Variants in P2RX1 observed in about 807,000 individuals in gnomAD.
P2RX1 encodes the protein P2X purinoceptor 1.
A neutral mutation model predicts 50.3 loss-of-function variants in P2RX1; 42 were observed. The ratio of observed to expected loss-of-function variants is 0.83; its 90% CI spans 0.65 to 1.08. The LOEUF (loss-of-function observed/expected upper bound fraction) is 1.08. Ranked by LOEUF, P2RX1 falls within the 50% of genes least tolerant of loss-of-function variation. P2RX1 has a pLI of 0.00. For missense variants in P2RX1, 449 were observed against 529.0 expected, an observed-to-expected ratio of 0.85 and a Z score of 1.48; for synonymous variants, 199 against 202.6, an observed-to-expected ratio of 0.98 and a Z score of 0.15.
At position 3,916,105 on chromosome 17, in the gene P2RX1, G is replaced by A; in HGVS notation, c.121C>T (p.Leu41=). ...VIFRLIQLVV[L]VYVIGWVFLY... Reference sequence around the variant, plus strand: ...CGGACTCACCCGATGACGTAGACCAGGACCACCAGCTGGATCAGTCGGAAG... The same window carrying A: ...CGGACTCACCCGATGACGTAGACCAAGACCACCAGCTGGATCAGTCGGAAG... The change falls in exon 1 of 12, where the codon CTG becomes TTG. Residue 41 remains leucine (L), a synonymous_variant. Transcript: ENST00000225538. The A allele has an allele frequency of 1.2e-6, 2 of 1,613,602 alleles. No individual in the cohort carries two copies. The highest frequency in any genetic ancestry group is 1.7e-6 in the Non-Finnish European group (2 of 1,179,994).
intron 1 of P2RX1, chr17:3,915,705 G>C (rs1342668288): frequency 2.1e-6 from 1 of 472,324 alleles, no homozygotes; most frequent in East Asian, 6.4e-5. Context: ...GACGGGTGTG[G>C]GGTATGGCCT....
At position 3,916,019 on chromosome 17, in the gene P2RX1, G is replaced by A. The variant is rs552595873; in HGVS notation, c.137+70C>T. The A allele has an allele frequency of 6.7e-5, 105 of 1,570,542 alleles. No homozygotes were observed. The African/African-American group carries it at 1.3e-3, about 20-fold the overall frequency. ...GAGGGGCTCGCTGGTGTCACGCAAG[G>A]GATGTCAGAGTCTGGAGGACAGGCC... On this transcript the variant is annotated intron_variant, in intron 1 of 11. Transcript: ENST00000225538.
rs549922540 is a variant in P2RX1, at chr17:3,904,218, C to T, written c.427+112G>A. The T allele has an allele frequency of 1.2e-4, 147 of 1,184,038 alleles. No homozygotes were observed. In the African/African-American group the frequency reaches 1.4e-3, roughly 11 times the overall value. 73.3% of individuals were successfully genotyped at this position (1,184,038 alleles called of 1,614,324 possible). ...GCAGGAGGGAGTCCCTCCCGGAGGC[C>T]GCCTCGGCGGGAGGGGTGTGGAGAG... On this transcript the variant is annotated intron_variant, in intron 4 of 11. Coordinates refer to ENST00000225538, the MANE Select transcript of P2RX1 (RefSeq NM_002558.4).
chr17:3,904,531 C>A (rs2056221939), intron 3 of P2RX1, 132 bp from the exon 4 acceptor site: 1 of 796,214 alleles, frequency 1.3e-6, no homozygotes, highest in Non-Finnish European at 2.1e-6. Context: ...GACGCCTGCT[C>A]ACAGCCTCCT....
At chr17:3,904,183 A>G in intron 4 of P2RX1, 147 bp downstream of exon 4, 1 of 984,540 alleles carries the variant, frequency 1.0e-6, no homozygotes, top group Non-Finnish European at 1.6e-6. Flanking sequence ...AGGGCGGAGG[A>G]GGGGAGACGG....
rs143336295 is a variant in P2RX1, at chr17:3,909,894, G to A, written c.138-4527C>T. The stretch of plus-strand genomic sequence containing the variant: ...ATACCCCCAATAAACCCACCATAAA[G>A]TCAAAAAATCCTAAGTCAAACCACG... On this transcript the variant is annotated intron_variant, in intron 1 of 11. Coordinates refer to ENST00000225538, the MANE Select transcript of P2RX1 (RefSeq NM_002558.4). Among the ~76,000 whole-genome samples, 850 of 149,604 alleles carry A rather than the reference G, an allele frequency of 5.7e-3. 9 individuals are homozygous for A. Among genetic ancestry groups the A allele is most frequent in the African/African-American group, 0.019 (792 of 40,804 alleles).
chr17:3,902,382 C>G (rs1178763149), intron 7 of P2RX1, among the ~76,000 whole-genome samples: 1 of 151,896 alleles, frequency 6.6e-6, no homozygotes, highest in African/African-American at 2.4e-5. Flanking sequence ...CAACCTCTGT[C>G]TCCCAGGTTC....
At chr17:3,910,987 CTTTA>C (rs946373742) in intron 1 of P2RX1, among the ~76,000 whole-genome samples, 2 of 152,002 alleles carry the variant, frequency 1.3e-5, no homozygotes, top group African/African-American at 4.8e-5. Flanking sequence ...TTTTATTGTT[CTTTA>C]TTTATTTTTG....
intron 7 of P2RX1, among the ~76,000 whole-genome samples, chr17:3,901,042 T>G (rs908175341): frequency 6.6e-6 from 1 of 152,032 alleles, no homozygotes; most frequent in Non-Finnish European, 1.5e-5. Context: ...TACTGAGAAG[T>G]TCCCAGTTGA....
Position 3,905,272 on chromosome 17 carries a change from G to T in P2RX1, c.233C>A (p.Pro78His). 6.2e-7 allele frequency: 1 copy of T among 1,613,910 alleles called. No individual in the cohort carries two copies. The highest frequency in any genetic ancestry group is 8.5e-7 in the Non-Finnish European group (1 of 1,180,026). Residue 78 changes from proline (P) to histidine (H), a missense_variant, in exon 2 of 12, where the codon CCT becomes CAT. By Grantham distance (77) the Pro-to-His change is moderately conservative. Coordinates refer to ENST00000225538, the MANE Select transcript of P2RX1 (RefSeq NM_002558.4). ...ATCCCAGACCTGGGGGCCGAGGCCA[G>T]GGAGCTGGGTCACGGCCAGGCCCTT... ...KLKGLAVTQLPGLGPQVWDVA... is the reference protein window; with the variant it reads ...KLKGLAVTQLHGLGPQVWDVA...
Position 3,904,864 on chromosome 17 carries a change from G to A in P2RX1, c.351C>T (p.Cys117=), listed in dbSNP as rs574005627. The A allele has an allele frequency of 4.6e-5, 73 of 1,591,838 alleles. 1 individual carries two copies. The Middle Eastern group carries it at 4.0e-3, about 87-fold the overall frequency. ...GGCGGGCAGAAGTCCTCACCTCTGCGCAGTAGCCTTGAGTCTGCTTCGGGG... is the reference window on the plus strand; with the variant it reads ...GGCGGGCAGAAGTCCTCACCTCTGCACAGTAGCCTTGAGTCTGCTTCGGGG... ...IVTPKQTQGY[C]AEHPEGGICK... is the part of the protein sequence containing the mutation. Residue 117 remains cysteine, a synonymous_variant, in exon 3 of 12, where the codon TGC becomes TGT. Coordinates refer to ENST00000225538, the MANE Select transcript of P2RX1 (RefSeq NM_002558.4).
intron 1 of P2RX1, among the ~76,000 whole-genome samples, chr17:3,906,427 G>C (rs569513856): frequency 3.5e-4 from 53 of 152,302 alleles, no homozygotes; most frequent in Admixed American, 1.4e-3. Context: ...CACCGCACCC[G>C]GCCAACAATG....
intron 9 of P2RX1, among the ~76,000 whole-genome samples, 185 bp downstream of exon 9, chr17:3,898,749 G>C (rs972022013): frequency 6.6e-6 from 1 of 152,136 alleles, no homozygotes; most frequent in African/African-American, 2.4e-5. Context: ...GGAGACTGTG[G>C]GGAGGCATGG....
rs763421022 is a variant in P2RX1, at chr17:3,905,251, C to G, written c.254G>C (p.Trp85Ser). Residue 85 changes from tryptophan (W) to serine (S), a missense_variant, in exon 2 of 12, where the codon TGG becomes TCG. Trp to Ser is a radical substitution (Grantham distance 177). Transcript: ENST00000225538. ...TQLPGLGPQV[W>S]DVADYVFPAQ... ...TGGGAAGACGTAGTCAGCCACATCC[C>G]AGACCTGGGGGCCGAGGCCAGGGAG... is the stretch of plus-strand genomic sequence containing the variant. 5 of 1,613,706 alleles carry G rather than the reference C, an allele frequency of 3.1e-6. No homozygotes were observed. In the South Asian group the frequency reaches 5.5e-5, roughly 18 times the overall value.
intron 7 of P2RX1, among the ~76,000 whole-genome samples, chr17:3,901,374 C>G (rs2056143630): frequency 6.6e-6 from 1 of 152,156 alleles, no homozygotes; most frequent in South Asian, 2.1e-4. Flanking sequence ...GCCCTGATGA[C>G]AGGGAGATTT....
chr17:3,903,464 C>G lies in P2RX1; in HGVS notation c.605+87G>C, dbSNP rs1309163158. On this transcript the variant is annotated intron_variant, in intron 6 of 11. Coordinates refer to ENST00000225538, the MANE Select transcript of P2RX1 (RefSeq NM_002558.4). This position sits in a 1 kb window ranked among gnomAD's most constrained non-coding sequence, Gnocchi z 4.6. ...GCCCCTTTGATTCCTTCCACGCCAG[C>G]AGGAATGGAGGGAGACAGAGACAGC... 2 of 1,589,892 alleles carry G rather than the reference C, an allele frequency of 1.3e-6. No homozygotes were observed. The highest frequency in any genetic ancestry group is 1.7e-6 in the Non-Finnish European group (2 of 1,160,326).
At chr17:3,907,357 T>G (rs1378537739) in intron 1 of P2RX1, among the ~76,000 whole-genome samples, 3 of 148,856 alleles carry the variant, frequency 2.0e-5, no homozygotes, top group Admixed American at 6.7e-5. Context: ...GCTGTATACC[T>G]GCAGGGCAAA....
chr17:3,904,951 A>AGGGGGGGGG, intron 2 of P2RX1, 22 bp from the exon 3 acceptor site: 2 of 159,534 alleles, frequency 1.3e-5, no homozygotes, highest in South Asian at 4.0e-5. Flanking sequence ...GGGCAGGGGG[A>AGGGGGGGGG]GGGTGGGGTG....
intron 4 of P2RX1, 74 bp downstream of exon 4, chr17:3,904,256 A>T (rs1209537147): frequency 1.1e-5 from 15 of 1,424,058 alleles, no homozygotes; most frequent in Non-Finnish European, 1.4e-5. Flanking sequence ...GCAGGTCAGC[A>T]CCAAGCTGGG....
Sources: allele counts gnomAD v4.1 joint callset (sites outside exome capture counted in the v4.1 genomes callset), GRCh38; gene constraint gnomAD v4.1.1; non-coding constraint Gnocchi (gnomAD v3.1); transcripts MANE v1.5; gene names NCBI Gene and HGNC (gene_info 2026-07-23, HGNC 2026-07-21).